The following NRG1 variants were observed in gnomAD, a reference collection of about 807,000 sequenced individuals.
The protein encoded by NRG1 is neuregulin 1, also known as pro-neuregulin-1, membrane-bound isoform.
NRG1 carries 18 observed loss-of-function variants against 63.8 expected under a neutral mutation model. The ratio of observed to expected loss-of-function variants is 0.28; its 90% CI spans 0.19 to 0.42. NRG1 has a LOEUF of 0.42. Ranked by LOEUF, NRG1 falls within the 10% of genes least tolerant of loss-of-function variation. The pLI is 1.00. For synonymous variants in NRG1, 302 were observed against 301.3 expected (o/e 1.00, Z -0.02); for missense variants, 762 against 814.7 (o/e 0.94, Z 0.79).
chr8:32,644,645 C>T (rs911537213), intron 5 of NRG1, among the ~76,000 whole-genome samples: 1 of 152,170 alleles, frequency 6.6e-6, no homozygotes, highest in Non-Finnish European at 1.5e-5. Flanking sequence ...ACAGACACAT[C>T]CCAAAGTCTG....
chr8:31,733,224 G>A (rs1814295282), intron 1 of NRG1, among the ~76,000 whole-genome samples: 1 of 151,504 alleles, frequency 6.6e-6, no homozygotes, highest in South Asian at 2.1e-4. Context: ...TGCACTGATG[G>A]ACACTTAGGT....
At chr8:32,307,317 C>T (rs543140681) in intron 1 of NRG1, among the ~76,000 whole-genome samples, 16 of 152,122 alleles carry the variant, frequency 1.1e-4, no homozygotes, top group African/African-American at 3.9e-4. Context: ...AAGGGTGGTT[C>T]TCCTGAAAAT....
At chr8:31,874,900 A>G (rs1829785125) in intron 1 of NRG1, among the ~76,000 whole-genome samples, 1 of 152,238 alleles carries the variant, frequency 6.6e-6, no homozygotes, top group Non-Finnish European at 1.5e-5. Context: ...TCTGAGACAC[A>G]GAGCTTCTTA....
At chr8:32,046,791 A>G (rs1199623409) in intron 1 of NRG1, among the ~76,000 whole-genome samples, 1 of 152,066 alleles carries the variant, frequency 6.6e-6, no homozygotes, top group African/African-American at 2.4e-5. Context: ...TGTGACTACA[A>G]GGAGATAGCA....
chr8:32,071,218 T>G (rs1825714409), intron 1 of NRG1, among the ~76,000 whole-genome samples: 1 of 152,242 alleles, frequency 6.6e-6, no homozygotes, highest in Non-Finnish European at 1.5e-5. Flanking sequence ...GTGTTCACCT[T>G]GGAATTTCCC....
intron 1 of NRG1, among the ~76,000 whole-genome samples, chr8:32,367,945 T>G (rs770725501): frequency 2.6e-5 from 4 of 152,212 alleles, no homozygotes; most frequent in Non-Finnish European, 4.4e-5. Flanking sequence ...CCTCAATGTA[T>G]GTTTTCAGTG....
chr8:32,031,623 C>T (rs981400541), intron 1 of NRG1, among the ~76,000 whole-genome samples: 1 of 152,148 alleles, frequency 6.6e-6, no homozygotes, highest in East Asian at 1.9e-4. Context: ...TCTTGCCCCC[C>T]ATGACAGGCC....
chr8:31,875,018 C>T (rs1038659072), intron 1 of NRG1, among the ~76,000 whole-genome samples: 4 of 152,188 alleles, frequency 2.6e-5, no homozygotes, highest in African/African-American at 9.6e-5. Flanking sequence ...TTCTAGTTGT[C>T]ATTTTCATAG....
chr8:31,788,846 C>T (rs1820424265), intron 1 of NRG1, among the ~76,000 whole-genome samples: 1 of 152,122 alleles, frequency 6.6e-6, no homozygotes, highest in Admixed American at 6.6e-5. Flanking sequence ...GTGAAGGAGA[C>T]ATAATTTAAG....
chr8:32,307,684 G>A (rs1037914697), intron 1 of NRG1, among the ~76,000 whole-genome samples: 1 of 151,834 alleles, frequency 6.6e-6, no homozygotes, highest in African/African-American at 2.4e-5. Flanking sequence ...CTCAAGAACA[G>A]TCTAGATTGC....
chr8:31,660,558 T>C (rs1805889971), intron 1 of NRG1, among the ~76,000 whole-genome samples: 1 of 152,232 alleles, frequency 6.6e-6, no homozygotes, highest in Non-Finnish European at 1.5e-5. Flanking sequence ...AGAGTCTTAT[T>C]ATTTGCCCTA....
At chr8:31,872,328 C>T (rs911003932) in intron 1 of NRG1, among the ~76,000 whole-genome samples, 16 of 152,028 alleles carry the variant, frequency 1.1e-4, no homozygotes, top group Middle Eastern at 3.4e-3. Flanking sequence ...TTTTATTGGC[C>T]TCAGTACTGA....
At chr8:32,163,818 T>C (rs1210441156) in intron 1 of NRG1, among the ~76,000 whole-genome samples, 8 of 152,204 alleles carry the variant, frequency 5.3e-5, no homozygotes, top group African/African-American at 1.9e-4. Flanking sequence ...TGTTACTTAA[T>C]TGACAAAGCT....
chr8:31,711,441 C>A (rs548949126), intron 1 of NRG1, among the ~76,000 whole-genome samples: 1 of 152,230 alleles, frequency 6.6e-6, no homozygotes, highest in South Asian at 2.1e-4. Context: ...GATTTTCATG[C>A]TTATAAGTAA....
intron 1 of NRG1, among the ~76,000 whole-genome samples, chr8:32,191,532 T>G (rs1230972714): frequency 1.3e-5 from 2 of 152,224 alleles, no homozygotes; most frequent in Non-Finnish European, 2.9e-5. Context: ...CATAGGCATA[T>G]GTAATGTTAA....
intron 1 of NRG1, among the ~76,000 whole-genome samples, chr8:32,001,759 G>A (rs1291272340): frequency 3.9e-5 from 6 of 151,938 alleles, no homozygotes; most frequent in African/African-American, 7.2e-5. Context: ...CCAGACTGGC[G>A]TTCTAGGTTT....
At chr8:32,737,557 TA>T (rs113862311) in intron 6 of NRG1, among the ~76,000 whole-genome samples, 43,940 of 145,826 alleles carry the variant, frequency 0.3, 8,533 homozygotes, top group African/African-American at 0.56. Context: ...TCTCAAAAAA[TA>T]AAAAAAAAAT....
chr8:32,567,757 T>C (rs1837733609), intron 1 of NRG1, among the ~76,000 whole-genome samples: 1 of 152,260 alleles, frequency 6.6e-6, no homozygotes, highest in Non-Finnish European at 1.5e-5. Flanking sequence ...TTGAAGTGTC[T>C]TAAGGCGTGT....
chr8:31,864,636 A>G (rs763424929), intron 1 of NRG1, among the ~76,000 whole-genome samples: 5 of 152,188 alleles, frequency 3.3e-5, no homozygotes, highest in Non-Finnish European at 7.3e-5. Flanking sequence ...GTACAAAATA[A>G]GAATGAAAGA....
Sources: gnomAD v4.1 joint callset for allele counts (sites outside exome capture counted in the v4.1 genomes callset) on GRCh38, gnomAD v4.1.1 for gene constraint, MANE v1.5 for transcripts, NCBI Gene and HGNC (gene_info 2026-07-23, HGNC 2026-07-21) for gene names.